The following PDHX variants were observed in gnomAD, a reference collection of about 807,000 sequenced individuals.
PDHX encodes the protein pyruvate dehydrogenase protein X component, mitochondrial.
Under a neutral mutation model 55.3 loss-of-function variants are expected in PDHX, and 33 were observed. That is an observed-to-expected ratio of 0.60 (90% CI 0.45 to 0.80). The LOEUF is 0.80. Among genes scored for constraint, PDHX ranks in the 30% least tolerant of loss-of-function variants. The probability of loss-of-function intolerance (pLI) is 0.00; values close to 1 mark genes in which losing one functional copy is unlikely to be tolerated. For synonymous variants in PDHX, 226 were observed against 219.4 expected (o/e 1.03, Z -0.27); for missense variants, 622 against 619.9 (o/e 1.00, Z -0.04).
chr11:34,981,360 A>G (rs929501757), intron 8 of PDHX, among the ~76,000 whole-genome samples: 3 of 152,138 alleles, frequency 2.0e-5, no homozygotes, highest in Non-Finnish European at 2.9e-5. Flanking sequence ...ATAGTATTCC[A>G]TGGTGTATAT....
At chr11:34,987,419 C>T (rs1855669265) in intron 9 of PDHX, among the ~76,000 whole-genome samples, 1 of 152,108 alleles carries the variant, frequency 6.6e-6, no homozygotes, top group African/African-American at 2.4e-5. Flanking sequence ...TCATGAGAAA[C>T]AGGCACCTTG....
At chr11:34,985,454 C>T (rs567623231) in intron 9 of PDHX, among the ~76,000 whole-genome samples, 22 of 152,154 alleles carry the variant, frequency 1.4e-4, no homozygotes, top group East Asian at 7.7e-4. Flanking sequence ...AAGAAATGGA[C>T]GTAATGTTCC....
At chr11:34,932,507 A>G (rs913723873) in intron 2 of PDHX, among the ~76,000 whole-genome samples, 5 of 152,210 alleles carry the variant, frequency 3.3e-5, no homozygotes, top group African/African-American at 1.2e-4. Flanking sequence ...CTGGTAAGAA[A>G]TACGCAGACA....
chr11:34,953,174 G>A (rs558016587), intron 3 of PDHX, among the ~76,000 whole-genome samples: 7 of 152,300 alleles, frequency 4.6e-5, no homozygotes, highest in African/African-American at 1.7e-4. Context: ...ACAAACCACT[G>A]CTCAATGAAA....
intron 3 of PDHX, among the ~76,000 whole-genome samples, chr11:34,954,233 A>G (rs1048284127): frequency 1.5e-4 from 23 of 152,370 alleles, no homozygotes; most frequent in African/African-American, 4.8e-4. Flanking sequence ...AAGTACTTAA[A>G]TAATTACTTA....
chr11:34,958,913 T>C (rs1854962269), intron 4 of PDHX, among the ~76,000 whole-genome samples: 2 of 152,144 alleles, frequency 1.3e-5, no homozygotes, highest in African/African-American at 2.4e-5. Flanking sequence ...GGTTGGTTAC[T>C]AATCCTATAT....
intron 7 of PDHX, among the ~76,000 whole-genome samples, chr11:34,974,619 C>T (rs1041549513): frequency 4.6e-5 from 7 of 152,144 alleles, no homozygotes; most frequent in African/African-American, 1.7e-4. Context: ...TGCCATTTTG[C>T]ATTCCCACTA....
intron 7 of PDHX, among the ~76,000 whole-genome samples, chr11:34,971,231 G>A (rs752960550): frequency 6.6e-6 from 1 of 152,052 alleles, no homozygotes; most frequent in African/African-American, 2.4e-5. Flanking sequence ...GTTGCTGAGA[G>A]ACATACAGAT....
At chr11:34,993,821 G>A (rs1388893870) in intron 10 of PDHX, among the ~76,000 whole-genome samples, 1 of 152,082 alleles carries the variant, frequency 6.6e-6, no homozygotes, top group Non-Finnish European at 1.5e-5. Context: ...TAAGTCTTTT[G>A]ATGATTTGAG....
chr11:34,972,466 C>T (rs1182796393), intron 7 of PDHX, among the ~76,000 whole-genome samples: 1 of 150,852 alleles, frequency 6.6e-6, no homozygotes, highest in Admixed American at 6.6e-5. Flanking sequence ...GGTGCGATCT[C>T]GGTTCACTTC....
At chr11:34,946,183 A>G (rs1325203435) in intron 2 of PDHX, among the ~76,000 whole-genome samples, 1 of 152,054 alleles carries the variant, frequency 6.6e-6, no homozygotes, top group East Asian at 1.9e-4. Context: ...TACCTTCACT[A>G]TTCCCTGTCT....
chr11:34,916,615 A>T, upstream of PDHX: 2 of 1,600,472 alleles, frequency 1.2e-6, no homozygotes, highest in Non-Finnish European at 8.5e-7. Context: ...GATGCTGGAC[A>T]TCAGGCTGTG....
At chr11:34,935,941 C>G (rs908937855) in intron 2 of PDHX, among the ~76,000 whole-genome samples, 5 of 152,124 alleles carry the variant, frequency 3.3e-5, no homozygotes, top group Non-Finnish European at 5.9e-5. Flanking sequence ...CAGTCTAGTG[C>G]TTGTAAAATA....
chr11:34,992,952 C>T (rs999335608), intron 10 of PDHX, among the ~76,000 whole-genome samples: 1 of 152,178 alleles, frequency 6.6e-6, no homozygotes, highest in Non-Finnish European at 1.5e-5. Flanking sequence ...ATTTACACCT[C>T]CACCAACGGT....
chr11:34,937,804 C>T (rs570261836), intron 2 of PDHX, among the ~76,000 whole-genome samples: 2 of 152,252 alleles, frequency 1.3e-5, no homozygotes, highest in African/African-American at 2.4e-5. Context: ...CTGGGCTGAT[C>T]GCCTCCCTGG....
intron 1 of PDHX, among the ~76,000 whole-genome samples, chr11:34,929,879 A>G (rs1232833573): frequency 6.6e-6 from 1 of 152,144 alleles, no homozygotes; most frequent in Non-Finnish European, 1.5e-5. Flanking sequence ...GAGAAAGGGT[A>G]AGACAGATAG....
At position 34,955,230 on chromosome 11, in the gene PDHX, A is replaced by G. The variant is rs536593369; in HGVS notation, c.343-2154A>G. Among the ~76,000 whole-genome samples, 9 of 152,252 alleles carry G rather than the reference A, an allele frequency of 5.9e-5. No homozygotes were observed. The East Asian group carries it at 1.7e-3, about 29-fold the overall frequency. On this transcript the variant is annotated intron_variant, in intron 3 of 10. Coordinates refer to ENST00000227868, the MANE Select transcript of PDHX (RefSeq NM_003477.3). ...GGAGGTAGCTCAGAGAGGAAAGGGA[A>G]CAGTAACAGAGGCCTGCTTGGTTTT...
chr11:34,982,952 C>T (rs1855551178), intron 8 of PDHX, among the ~76,000 whole-genome samples: 3 of 152,088 alleles, frequency 2.0e-5, no homozygotes, highest in African/African-American at 4.8e-5. Flanking sequence ...ATACCAAAGC[C>T]GGGCAGAGAC....
intron 9 of PDHX, among the ~76,000 whole-genome samples, chr11:34,988,562 A>AG (rs200648599): frequency 0.045 from 6,788 of 151,058 alleles, 498 homozygotes; most frequent in African/African-American, 0.15. Flanking sequence ...TTCTGTCAAA[A>AG]AAAAAAAAAA....
Sources: gnomAD v4.1 joint callset for allele counts (sites outside exome capture counted in the v4.1 genomes callset) on GRCh38, gnomAD v4.1.1 for gene constraint, MANE v1.5 for transcripts, NCBI Gene and HGNC (gene_info 2026-07-23, HGNC 2026-07-21) for gene names.